GGA1: variants seen among roughly 807,000 people sequenced by gnomAD.
GGA1 encodes the protein golgi associated, gamma adaptin ear containing, ARF binding protein 1.
Under a neutral mutation model 76.9 loss-of-function variants are expected in GGA1, and 18 were observed. That is an observed-to-expected ratio of 0.23 (90% CI 0.16 to 0.35). The LOEUF is 0.35. Among genes scored for constraint, GGA1 ranks in the 10% least tolerant of loss-of-function variants. GGA1 has a pLI of 1.00. For synonymous variants in GGA1, 342 were observed against 354.7 expected (o/e 0.96, Z 0.40); for missense variants, 755 against 859.0 (o/e 0.88, Z 1.51).
At position 37,632,509 on chromosome 22, in the gene GGA1, C is replaced by T. The variant is rs376452139; in HGVS notation, c.1803C>T (p.Pro601=). The T allele has an allele frequency of 1.9e-6, 3 of 1,611,848 alleles. No homozygotes were observed. The African/African-American group carries it at 4.0e-5, about 22-fold the overall frequency. ...AITQVLLLAN[P]QKEKVRLRYK... The stretch of plus-strand genomic sequence containing the variant: ...CCCAGGTCCTGCTGCTTGCCAACCC[C>T]CAGAAGGTAAGGGGCCCCCAGGCAG... The change falls in exon 16 of 17, where the codon CCC becomes CCT. Residue 601 remains proline (P), a synonymous_variant. Coordinates refer to ENST00000343632, the MANE Select transcript of GGA1 (RefSeq NM_013365.5). This position sits in a 1 kb window ranked among gnomAD's most constrained non-coding sequence, Gnocchi z 5.1.
chr22:37,613,598 A>G (rs923486395), intron 1 of GGA1, among the ~76,000 whole-genome samples: 11 of 151,906 alleles, frequency 7.2e-5, no homozygotes, highest in African/African-American at 2.7e-4. Flanking sequence ...ATGGGGTTTC[A>G]TCGTGTTAGC....
chr22:37,621,527 G>A (rs1929884929), intron 6 of GGA1, 89 bp from the exon 7 acceptor site: 2 of 772,994 alleles, frequency 2.6e-6, no homozygotes, highest in Non-Finnish European at 4.4e-6. Context: ...GGTCCCACAG[G>A]CAGGAAGCGG....
rs1347434592 is a variant in GGA1, at chr22:37,631,113, G to A, written c.1528+14G>A. 3.2e-6 allele frequency: 5 copies of A among 1,542,192 alleles called. No individual in the cohort carries two copies. Among genetic ancestry groups the A allele is most frequent in the Non-Finnish European group, 4.4e-6 (5 of 1,145,612 alleles). On this transcript the variant is annotated intron_variant, in intron 14 of 16. Transcript: ENST00000343632. ...CCATCAAACCCAGTGAGTAGGGCTG[G>A]GGCAGGTGCAGGCTGGGTTGGGTCA...
At position 37,630,130 on chromosome 22, in the gene GGA1, C is replaced by T. The variant is rs1439430887; in HGVS notation, c.1291C>T (p.Leu431=). The change falls in exon 13 of 17, where the codon CTG becomes TTG. Residue 431 remains leucine (L), a synonymous_variant. Coordinates refer to ENST00000343632, the MANE Select transcript of GGA1 (RefSeq NM_013365.5). ...CCTAGACCTCCTGGGGAAGACCCTCCTGCAGCAGTCGCTGCCCCCGGAATC... is the reference window on the plus strand; with the variant it reads ...CCTAGACCTCCTGGGGAAGACCCTCTTGCAGCAGTCGCTGCCCCCGGAATC... ...DDLDLLGKTL[L]QQSLPPESQQ... 2 of 1,601,710 alleles carry T rather than the reference C, an allele frequency of 1.2e-6. No homozygotes were observed. Among genetic ancestry groups the T allele is most frequent in the Non-Finnish European group, 1.7e-6 (2 of 1,175,040 alleles).
At chr22:37,614,312 C>G in intron 2 of GGA1, 38 bp downstream of exon 2, 1 of 1,392,250 alleles carries the variant, frequency 7.2e-7, no homozygotes, top group South Asian at 1.2e-5. Context: ...CTGCCCTGCA[C>G]TCTCCAGAAC....
intron 4 of GGA1, chr22:37,619,871 T>C (rs1929563066): frequency 2.6e-6 from 2 of 762,628 alleles, no homozygotes. Flanking sequence ...GCCCAGGGCC[T>C]CCCAGTTCCA....
intron 13 of GGA1, 130 bp downstream of exon 13, chr22:37,630,300 G>A (rs1931570579): frequency 6.1e-6 from 4 of 652,726 alleles, no homozygotes; most frequent in Non-Finnish European, 1.0e-5. Context: ...AGCAGCAGAT[G>A]CCAAGCAGTG....
rs1015679974 is a variant in GGA1 at position 37,621,708 on chromosome 22, G to T, written c.609+12G>T. ...AGATGGTGCAGGAGGTAGCGGCCGAGCCCAGAGCACAGGGAGGAGGCGGGA... is the reference window on the plus strand; with the variant it reads ...AGATGGTGCAGGAGGTAGCGGCCGATCCCAGAGCACAGGGAGGAGGCGGGA... On this transcript the variant is annotated intron_variant, in intron 7 of 16. Transcript: ENST00000343632. 24 of 1,545,414 alleles carry T rather than the reference G, an allele frequency of 1.6e-5. No individual in the cohort carries two copies. The Middle Eastern group carries it at 5.0e-4, about 32-fold the overall frequency.
Position 37,632,844 on chromosome 22 carries a change from C to A in GGA1, c.*133C>A. 1 of 632,268 alleles carries A rather than the reference C, an allele frequency of 1.6e-6. No homozygotes were observed. The highest frequency in any genetic ancestry group is 2.9e-6 in the Non-Finnish European group (1 of 347,516). 39.2% of individuals were successfully genotyped at this position (632,268 alleles called of 1,614,324 possible). ...CCAGGCCTGGTGCTTCTCCCCACAC[C>A]CCTGTAGGCCTCAAGTGACTCTTCC... On this transcript the variant is annotated 3_prime_UTR_variant, in exon 17 of 17. Coordinates refer to ENST00000343632, the MANE Select transcript of GGA1 (RefSeq NM_013365.5). The surrounding 1 kb of genome is among the most constrained non-coding windows in gnomAD (Gnocchi z 5.1).
At chr22:37,616,358 A>G (rs937445422) in intron 2 of GGA1, among the ~76,000 whole-genome samples, 1 of 152,150 alleles carries the variant, frequency 6.6e-6, no homozygotes, top group African/African-American at 2.4e-5. Flanking sequence ...TGCCTGCCTT[A>G]TGCAGCTTAG....
rs145403259 is a variant in GGA1 at position 37,622,665 on chromosome 22, C to T, written c.610-662C>T. Among the ~76,000 whole-genome samples the T allele has an allele frequency of 7.2e-5, 11 of 152,306 alleles. No individual in the cohort carries two copies. In the South Asian group the frequency reaches 1.2e-3, roughly 17 times the overall value. ...CCTGGGCTCAATGACCCTCCCATCT[C>T]GGCCTCCCAAAGTGCTGAAAAAAAA... On this transcript the variant is annotated intron_variant, in intron 7 of 16. Transcript: ENST00000343632.
rs548204302 is a variant in GGA1, at chr22:37,611,488, T to C, written c.43+2585T>C. ...TAATCTGAGTATTCATTGTTTCTCT[T>C]GCTGGGCAGTGAACTTGAGGAGGGC... On this transcript the variant is annotated intron_variant, in intron 1 of 16. Transcript: ENST00000343632. 2.0e-5 allele frequency among the ~76,000 whole-genome samples: 3 copies of C among 152,338 alleles called. No individual in the cohort carries two copies. In the South Asian group the frequency reaches 6.2e-4, roughly 32 times the overall value.
intron 6 of GGA1, 77 bp from the exon 7 acceptor site, chr22:37,621,539 G>T: frequency 1.2e-6 from 1 of 855,466 alleles, no homozygotes; most frequent in South Asian, 1.5e-5. Context: ...AGGAAGCGGG[G>T]AGCCATCATG....
rs781376328 is a variant in GGA1 at position 37,630,887 on chromosome 22, C to T, written c.1332-16C>T. 1 of 1,591,588 alleles carries T rather than the reference C, an allele frequency of 6.3e-7. No homozygotes were observed. The highest frequency in any genetic ancestry group is 8.6e-7 in the Non-Finnish European group (1 of 1,163,966). The stretch of plus-strand genomic sequence containing the variant: ...TGGCCAAGAATCACTTCTTAATGCA[C>T]TGTCCCCCGATTAAGGGAGAAGCAG... On this transcript the variant is annotated splice_polypyrimidine_tract_variant and intron_variant, in intron 13 of 16. Coordinates refer to ENST00000343632, the MANE Select transcript of GGA1 (RefSeq NM_013365.5).
intron 1 of GGA1, among the ~76,000 whole-genome samples, chr22:37,609,537 G>C (rs1314004691): frequency 6.6e-6 from 1 of 152,158 alleles, no homozygotes; most frequent in East Asian, 1.9e-4. Context: ...ACTCCCTTCA[G>C]CCTAACCCCT....
At chr22:37,617,335 A>G (rs922348850) in intron 3 of GGA1, 3 of 1,187,418 alleles carry the variant, frequency 2.5e-6, no homozygotes, top group Admixed American at 4.9e-5. Context: ...CCGAGGCCAC[A>G]CTCCTGGAGT....
At position 37,623,462 on chromosome 22, in the gene GGA1, A is replaced by G; in HGVS notation, c.745A>G (p.Met249Val). ...GAAAGSSEDL[M>V]KELYQRCERM... ...AGCAGCTGGCAGCAGCGAGGACCTC[A>G]TGAAGGTGCACCTGCCTCCCTGCCT... The change falls in exon 8 of 17, where the codon ATG (methionine) becomes GTG (valine). Residue 249 changes from methionine to valine, a missense_variant. By Grantham distance (21) the Met-to-Val change is conservative. Transcript: ENST00000343632. This position sits in a 1 kb window ranked among gnomAD's most constrained non-coding sequence, Gnocchi z 4.6. 6.2e-7 allele frequency: 1 copy of G among 1,613,866 alleles called. No homozygotes were observed. Among genetic ancestry groups the G allele is most frequent in the Non-Finnish European group, 8.5e-7 (1 of 1,179,842 alleles).
chr22:37,632,749 G>A lies in GGA1; in HGVS notation c.*38G>A, dbSNP rs747311915. Reference sequence around the variant, plus strand: ...GGGGAGAGGAAGGGGCAGAGGGACCGGTCACTGTCCAGCCTGGAGGGAGGC... The same window carrying A: ...GGGGAGAGGAAGGGGCAGAGGGACCAGTCACTGTCCAGCCTGGAGGGAGGC... On this transcript the variant is annotated 3_prime_UTR_variant, in exon 17 of 17. Coordinates refer to ENST00000343632, the MANE Select transcript of GGA1 (RefSeq NM_013365.5). This position sits in a 1 kb window ranked among gnomAD's most constrained non-coding sequence, Gnocchi z 5.1. 37 of 1,233,732 alleles carry A rather than the reference G, an allele frequency of 3.0e-5. No individual in the cohort carries two copies. In the Middle Eastern group the frequency reaches 5.6e-4, roughly 19 times the overall value. The allele number at this position is 1,233,732 out of a possible 1,614,324, so 76.4% of individuals were successfully genotyped here. A position where few individuals can be genotyped will look rare whatever the true frequency, so the allele number is the denominator to read the frequency against.
Position 37,623,768 on chromosome 22 carries a change from C to G in GGA1, c.832+135C>G, listed in dbSNP as rs1239499926. On this transcript the variant is annotated intron_variant, in intron 9 of 16. Transcript: ENST00000343632. The surrounding 1 kb of genome is among the most constrained non-coding windows in gnomAD (Gnocchi z 4.6). ...GGGGGCCCCCTTCTCCAGCACCGAC[C>G]TTGGGTTTCTCCTCTCTGAGGACAC... The G allele has an allele frequency of 1.5e-6, 1 of 646,432 alleles. No homozygotes were observed. The highest frequency in any genetic ancestry group is 2.8e-6 in the Non-Finnish European group (1 of 360,372). 40.0% of individuals were successfully genotyped at this position (646,432 alleles called of 1,614,324 possible). A position where few individuals can be genotyped will look rare whatever the true frequency, so the allele number is the denominator to read the frequency against.
Sources: allele counts gnomAD v4.1 joint callset (sites outside exome capture counted in the v4.1 genomes callset), GRCh38; gene constraint gnomAD v4.1.1; non-coding constraint Gnocchi (gnomAD v3.1); transcripts MANE v1.5; gene names NCBI Gene and HGNC (gene_info 2026-07-23, HGNC 2026-07-21).